The following TRUB1 variants were observed in gnomAD, a reference collection of about 807,000 sequenced individuals.
TRUB1 encodes the protein pseudouridylate synthase TRUB1.
TRUB1 carries 23 observed loss-of-function variants against 33.9 expected under a neutral mutation model. That is an observed-to-expected ratio of 0.68 (90% CI 0.49 to 0.96). The LOEUF is 0.96. TRUB1 is among the 40% of genes least tolerant of loss of function. TRUB1 has a pLI of 0.00. For synonymous variants in TRUB1, 163 were observed against 165.4 expected, an observed-to-expected ratio of 0.99 and a Z score of 0.11; for missense variants, 378 against 422.2, an observed-to-expected ratio of 0.90 and a Z score of 0.92.
At chr10:114,968,053 T>A (rs1225387784) in intron 4 of TRUB1, among the ~76,000 whole-genome samples, 1 of 152,152 alleles carries the variant, frequency 6.6e-6, no homozygotes, top group Non-Finnish European at 1.5e-5. Context: ...AAGCTTAGAA[T>A]TTCATTGGTG....
intron 1 of TRUB1, among the ~76,000 whole-genome samples, chr10:114,942,027 G>A (rs1382568961): frequency 1.3e-5 from 2 of 151,356 alleles, no homozygotes; most frequent in Admixed American, 6.6e-5. Flanking sequence ...CTCGTGATCC[G>A]CCCGCTTCGG....
chr10:114,970,780 G>A (rs772440955), intron 5 of TRUB1, among the ~76,000 whole-genome samples: 9 of 152,204 alleles, frequency 5.9e-5, no homozygotes, highest in Admixed American at 1.3e-4. Flanking sequence ...GACCAGTCCC[G>A]TCTGGGAGGG....
At chr10:114,960,076 G>T in intron 4 of TRUB1, 1 of 359,378 alleles carries the variant, frequency 2.8e-6, no homozygotes, top group Non-Finnish European at 5.0e-6. Context: ...GCAAAAGCAT[G>T]TATGGCTAGG....
chr10:114,952,505 G>A (rs1445917840), intron 3 of TRUB1, among the ~76,000 whole-genome samples: 1 of 151,648 alleles, frequency 6.6e-6, no homozygotes, highest in Admixed American at 6.6e-5. Flanking sequence ...AGGTAGGTAG[G>A]TAGGTAGATA....
At chr10:114,967,695 A>T (rs2084316248) in intron 4 of TRUB1, among the ~76,000 whole-genome samples, 1 of 152,172 alleles carries the variant, frequency 6.6e-6, no homozygotes, top group African/African-American at 2.4e-5. Flanking sequence ...GTTATTGGAT[A>T]TATTTACTGT....
At chr10:114,971,232 TATC>T (rs911038971) in intron 5 of TRUB1, among the ~76,000 whole-genome samples, 2 of 152,294 alleles carry the variant, frequency 1.3e-5, no homozygotes, top group Admixed American at 1.3e-4. Context: ...TACCTCCTAA[TATC>T]AACACCTTGG....
At chr10:114,954,548 T>C (rs963009174) in intron 3 of TRUB1, among the ~76,000 whole-genome samples, 9 of 152,164 alleles carry the variant, frequency 5.9e-5, no homozygotes, top group African/African-American at 1.9e-4. Context: ...CAGATCAGGG[T>C]AAAAGTTAAG....
Position 114,972,122 on chromosome 10 carries a change from C to T in TRUB1, c.597-13C>T, listed in dbSNP as rs750643989. 1.2e-6 allele frequency: 2 copies of T among 1,611,704 alleles called. No individual in the cohort carries two copies. Among genetic ancestry groups the T allele is most frequent in the African/African-American group, 2.7e-5 (2 of 74,782 alleles). ...CTCCTTTCCTTCCATTTCTCCTTCT[C>T]TCATCTCACAAGCTATTCTGCATTA... On this transcript the variant is annotated splice_polypyrimidine_tract_variant and intron_variant, in intron 5 of 7. Coordinates refer to ENST00000298746, the MANE Select transcript of TRUB1 (RefSeq NM_139169.5).
chr10:114,972,065 C>T (rs1810950671), intron 5 of TRUB1, 70 bp from the exon 6 acceptor site: 2 of 1,549,426 alleles, frequency 1.3e-6, no homozygotes, highest in African/African-American at 2.8e-5. Context: ...TTATCATCTC[C>T]CAATCCTTCC....
chr10:114,972,420 T>G (rs1271531758), intron 6 of TRUB1, 146 bp downstream of exon 6: 1 of 912,328 alleles, frequency 1.1e-6, no homozygotes, highest in Non-Finnish European at 1.6e-6. Context: ...TCTTTATACC[T>G]TTTTTGGTAA....
chr10:114,976,494 G>A lies in TRUB1; in HGVS notation c.*1115G>A, dbSNP rs564111883. On this transcript the variant is annotated 3_prime_UTR_variant, in exon 8 of 8. Transcript: ENST00000298746. The stretch of plus-strand genomic sequence containing the variant: ...TTGTTATGGGAAAGCAATATATTAT[G>A]CAGCCAGTCTGTAGAAACATTCAGA... 1.8e-4 allele frequency: 27 copies of A among 152,184 alleles called. 1 individual carries two copies. In the South Asian group the frequency reaches 5.4e-3, roughly 30 times the overall value. The allele number at this position is 152,184 out of a possible 1,614,324, so 9.4% of individuals were successfully genotyped here.
chr10:114,960,243 G>A lies in TRUB1; in HGVS notation c.523+436G>A, dbSNP rs145440179. Among the ~76,000 whole-genome samples the A allele has an allele frequency of 4.0e-3, 604 of 152,088 alleles. 8 individuals carry two copies. Among genetic ancestry groups the A allele is most frequent in the Admixed American group, 0.013 (192 of 15,278 alleles). On this transcript the variant is annotated intron_variant, in intron 4 of 7. Coordinates refer to ENST00000298746, the MANE Select transcript of TRUB1 (RefSeq NM_139169.5). ...AAACTTGTCATGTTTTTGTGCTTTC[G>A]GACTATGTAAAAAGAGGACAGAGGG...
At chr10:114,944,000 CTTT>C (rs573847481) in intron 2 of TRUB1, among the ~76,000 whole-genome samples, 1,456 of 101,576 alleles carry the variant, frequency 0.014, 15 homozygotes, top group African/African-American at 0.058. Flanking sequence ...TTTATTCCAT[CTTT>C]TTTTTTTTTT....
intron 2 of TRUB1, among the ~76,000 whole-genome samples, chr10:114,944,976 CAAA>C (rs1423202950): frequency 6.6e-6 from 1 of 152,150 alleles, no homozygotes; most frequent in Non-Finnish European, 1.5e-5. Context: ...CACAACAAAA[CAAA>C]AACCCCAGTT....
chr10:114,976,087 G>A lies in TRUB1; in HGVS notation c.*708G>A, dbSNP rs2084359008. ...ACAGCTCCTATAGTTTTGTATTTTG[G>A]CAGCTATGAGATATTTTCATGGTAA... On this transcript the variant is annotated 3_prime_UTR_variant, in exon 8 of 8. Transcript: ENST00000298746. 6.6e-6 allele frequency: 1 copy of A among 152,434 alleles called. No individual in the cohort carries two copies. Among genetic ancestry groups the A allele is most frequent in the Non-Finnish European group, 1.5e-5 (1 of 67,986 alleles). 9.4% of individuals were successfully genotyped at this position (152,434 alleles called of 1,614,324 possible).
rs762515853 is a variant in TRUB1, at chr10:114,975,269, G to T, written c.940G>T (p.Glu314Ter). 4 of 1,613,598 alleles carry T rather than the reference G, an allele frequency of 2.5e-6. No homozygotes were observed. Among genetic ancestry groups the T allele is most frequent in the Non-Finnish European group, 3.4e-6 (4 of 1,179,692 alleles). ...GCATTGCTCATCTCTTTTCCCAGCA[G>T]AGTTGGCACTTAAAAAATCAAAACC... ...LEHCSSLFPAELALKKSKPES... is the reference protein window; with the variant it reads ...LEHCSSLFPA The change falls in exon 8 of 8, where the codon GAG becomes TAG. Residue 314 changes from glutamate to a stop codon, truncating the protein, a stop_gained. Coordinates refer to ENST00000298746, the MANE Select transcript of TRUB1 (RefSeq NM_139169.5). LOFTEE classifies it high-confidence loss of function.
In TRUB1 at chr10:114,976,377, T is replaced by G. The variant is rs2143042338; in HGVS notation, c.*998T>G. 6.6e-6 allele frequency: 1 copy of G among 152,304 alleles called. No homozygotes were observed. The highest frequency in any genetic ancestry group is 3.4e-3 in the Middle Eastern group (1 of 294). 9.4% of individuals were successfully genotyped at this position (152,304 alleles called of 1,614,324 possible). Reference sequence around the variant, plus strand: ...CTCAAACATTTTCATTCAGATAGCTTTCTGAAAGTTCCCTATCCCTCTTTA... The same window carrying G: ...CTCAAACATTTTCATTCAGATAGCTGTCTGAAAGTTCCCTATCCCTCTTTA... On this transcript the variant is annotated 3_prime_UTR_variant, in exon 8 of 8. Transcript: ENST00000298746.
chr10:114,965,180 C>A (rs1333079210), intron 4 of TRUB1, among the ~76,000 whole-genome samples: 1 of 152,072 alleles, frequency 6.6e-6, no homozygotes, highest in Non-Finnish European at 1.5e-5. Context: ...CTGCCTGCCT[C>A]AGCCTCCCAA....
intron 6 of TRUB1, among the ~76,000 whole-genome samples, chr10:114,972,652 TACA>T (rs2084342855): frequency 6.6e-6 from 1 of 152,164 alleles, no homozygotes; most frequent in East Asian, 1.9e-4. Context: ...TAGTACCTAA[TACA>T]TTCCGTTTTA....
Sources: gnomAD v4.1 joint callset for allele counts (sites outside exome capture counted in the v4.1 genomes callset) on GRCh38, gnomAD v4.1.1 for gene constraint, MANE v1.5 for transcripts, NCBI Gene and HGNC (gene_info 2026-07-23, HGNC 2026-07-21) for gene names.